The following LURAP1L variants were observed in gnomAD, a reference collection of about 807,000 sequenced individuals.
The protein encoded by LURAP1L is leucine rich adaptor protein 1 like, also known as leucine rich adaptor protein 1-like.
A neutral mutation model predicts 13.8 loss-of-function variants in LURAP1L; 12 were observed. The ratio of observed to expected loss-of-function variants is 0.87; its 90% CI spans 0.56 to 1.41. The LOEUF (loss-of-function observed/expected upper bound fraction) is 1.41, where lower values mean the gene tolerates loss of function less well. LURAP1L is among the 40% of genes most tolerant of loss of function. The pLI is 0.00. For synonymous variants in LURAP1L, 139 were observed against 119.2 expected, an observed-to-expected ratio of 1.17 and a Z score of -1.08; for missense variants, 375 against 292.9, an observed-to-expected ratio of 1.28 and a Z score of -2.04.
chr9:12,781,003 C>T (rs2067222883), intron 1 of LURAP1L, among the ~76,000 whole-genome samples: 1 of 152,108 alleles, frequency 6.6e-6, no homozygotes, highest in East Asian at 1.9e-4. Context: ...TGGAGTTTCG[C>T]TCTTGTTGCC....
intron 1 of LURAP1L, among the ~76,000 whole-genome samples, chr9:12,776,686 G>C (rs527714848): frequency 1.5e-4 from 23 of 152,054 alleles, no homozygotes; most frequent in Admixed American, 5.2e-4. Context: ...ATCCCAGGGA[G>C]CAGGTGATCC....
At chr9:12,799,873 C>CAAAAA (rs58987082) in intron 1 of LURAP1L, among the ~76,000 whole-genome samples, 1 of 82,520 alleles carries the variant, frequency 1.2e-5, no homozygotes, top group Non-Finnish European at 2.6e-5. Flanking sequence ...GACTCCGTCT[C>CAAAAA]AAAAAAAAAA....
intron 1 of LURAP1L, chr9:12,777,341 C>A: frequency 1.0e-6 from 1 of 985,236 alleles, no homozygotes. Context: ...TGCCTGATAC[C>A]GTATCACAAA....
chr9:12,809,736 A>C (rs924530893), intron 1 of LURAP1L, among the ~76,000 whole-genome samples: 1 of 152,194 alleles, frequency 6.6e-6, no homozygotes, highest in African/African-American at 2.4e-5. Context: ...ATAGGTCTTT[A>C]GTGCAAGGTT....
chr9:12,813,445 C>T (rs1819764676), intron 1 of LURAP1L, among the ~76,000 whole-genome samples: 1 of 152,002 alleles, frequency 6.6e-6, no homozygotes, highest in South Asian at 2.1e-4. Flanking sequence ...TTATCAATCC[C>T]ATGTTTATGT....
chr9:12,805,605 C>A (rs1586884023), intron 1 of LURAP1L, among the ~76,000 whole-genome samples: 1 of 152,120 alleles, frequency 6.6e-6, no homozygotes, highest in African/African-American at 2.4e-5. Context: ...AACAACTAAC[C>A]ATATTCTCTG....
At chr9:12,782,285 C>T (rs1586874641) in intron 1 of LURAP1L, among the ~76,000 whole-genome samples, 1 of 152,128 alleles carries the variant, frequency 6.6e-6, no homozygotes, top group African/African-American at 2.4e-5. Flanking sequence ...TCCATTTTTG[C>T]TTCGGTTGCC....
At chr9:12,808,947 C>T (rs377633789) in intron 1 of LURAP1L, among the ~76,000 whole-genome samples, 1 of 152,162 alleles carries the variant, frequency 6.6e-6, no homozygotes, top group African/African-American at 2.4e-5. Flanking sequence ...CATGGTTCTG[C>T]AGGCTGTACA....
chr9:12,811,959 C>T (rs1475096000), intron 1 of LURAP1L, among the ~76,000 whole-genome samples: 1 of 152,112 alleles, frequency 6.6e-6, no homozygotes, highest in Admixed American at 6.5e-5. Flanking sequence ...CAGTAGCAGT[C>T]GACAGGTCTA....
chr9:12,801,002 A>G (rs1001786816), intron 1 of LURAP1L, among the ~76,000 whole-genome samples: 1 of 152,212 alleles, frequency 6.6e-6, no homozygotes, highest in South Asian at 2.1e-4. Context: ...TACTTGCTCA[A>G]CTGAAAGATC....
At chr9:12,813,886 T>C (rs952324574) in intron 1 of LURAP1L, among the ~76,000 whole-genome samples, 4 of 152,228 alleles carry the variant, frequency 2.6e-5, no homozygotes, top group African/African-American at 9.6e-5. Context: ...AGATTAACTG[T>C]ATTTGTGACA....
intron 1 of LURAP1L, among the ~76,000 whole-genome samples, chr9:12,801,616 A>T (rs1819586577): frequency 6.6e-6 from 1 of 152,218 alleles, no homozygotes; most frequent in Admixed American, 6.5e-5. Flanking sequence ...CAAATGATAA[A>T]TTTAAAACAG....
chr9:12,814,031 G>C (rs532371999), intron 1 of LURAP1L, among the ~76,000 whole-genome samples: 1 of 152,182 alleles, frequency 6.6e-6, no homozygotes, highest in African/African-American at 2.4e-5. Context: ...TATCTGTCAA[G>C]TGTGTGTTAT....
chr9:12,779,342 T>C (rs1819237502), intron 1 of LURAP1L, among the ~76,000 whole-genome samples: 2 of 142,274 alleles, frequency 1.4e-5, no homozygotes, highest in African/African-American at 5.1e-5. Context: ...TGGAGCGATC[T>C]CGGCTCACTG....
chr9:12,780,211 T>C (rs1819250347), intron 1 of LURAP1L, among the ~76,000 whole-genome samples: 1 of 152,212 alleles, frequency 6.6e-6, no homozygotes, highest in Admixed American at 6.5e-5. Flanking sequence ...ATTTAAGCAG[T>C]ACTTTCAAAT....
chr9:12,811,824 C>T (rs1035281228), intron 1 of LURAP1L, among the ~76,000 whole-genome samples: 1 of 152,174 alleles, frequency 6.6e-6, no homozygotes, highest in Non-Finnish European at 1.5e-5. Flanking sequence ...AGTCTGGGCA[C>T]AGATCAAGTG....
chr9:12,775,380 C>A lies in LURAP1L; in HGVS notation c.-336C>A. ...TTTAATTTCCCTCTCTTTTCTTTCA[C>A]TACTTCCCCCTCTTTATTCCCCCTC... On this transcript the variant is annotated 5_prime_UTR_variant, in exon 1 of 2. Coordinates refer to ENST00000319264, the MANE Select transcript of LURAP1L (RefSeq NM_203403.2). The A allele has an allele frequency of 3.6e-6, 1 of 276,406 alleles. No individual in the cohort carries two copies. Among genetic ancestry groups the A allele is most frequent in the Non-Finnish European group, 6.6e-6 (1 of 150,630 alleles). 17.1% of individuals were successfully genotyped at this position (276,406 alleles called of 1,614,324 possible). A position where few individuals can be genotyped will look rare whatever the true frequency, so the allele number is the denominator to read the frequency against.
rs775167324 is a variant in LURAP1L at position 12,821,544 on chromosome 9, C to A, written c.471C>A (p.Ser157Arg). 2.5e-6 allele frequency: 4 copies of A among 1,613,986 alleles called. No homozygotes were observed. The highest frequency in any genetic ancestry group is 3.4e-6 in the Non-Finnish European group (4 of 1,180,022). Reference sequence around the variant, plus strand: ...TGTGCAGTTTGTTGGAGAGTCAGAGCACCTCCTTACGTGGCAGCTACAACA... The same window carrying A: ...TGTGCAGTTTGTTGGAGAGTCAGAGAACCTCCTTACGTGGCAGCTACAACA... ...GSLCSLLESQ[S>R]TSLRGSYNSL... Residue 157 changes from serine (S) to arginine (R), a missense_variant, in exon 2 of 2, where the codon AGC (serine) becomes AGA (arginine). Ser to Arg is a moderately radical substitution (Grantham distance 110). Transcript: ENST00000319264.
rs893313685 is a variant in LURAP1L, at chr9:12,796,929, G to A, written c.312+20902G>A. ...CCATTTAAGGTTTGAGTAAGATTAG[G>A]TGGGGGTGGGGGGAAGTATTTAAAG... On this transcript the variant is annotated intron_variant, in intron 1 of 1. Coordinates refer to ENST00000319264, the MANE Select transcript of LURAP1L (RefSeq NM_203403.2). Among the ~76,000 whole-genome samples, 12 of 151,310 alleles carry A rather than the reference G, an allele frequency of 7.9e-5. No individual in the cohort carries two copies. The East Asian group carries it at 2.3e-3, about 30-fold the overall frequency.
Sources: allele counts gnomAD v4.1 joint callset (sites outside exome capture counted in the v4.1 genomes callset), GRCh38; gene constraint gnomAD v4.1.1; transcripts MANE v1.5; gene names NCBI Gene and HGNC (gene_info 2026-07-23, HGNC 2026-07-21).